Variants in ME1 observed in about 807,000 individuals in gnomAD.
ME1 encodes the protein NADP-dependent malic enzyme.
Under a neutral mutation model 66.4 loss-of-function variants are expected in ME1, and 74 were observed. The ratio of observed to expected loss-of-function variants is 1.11; its 90% CI spans 0.92 to 1.35. The LOEUF is 1.35. Ranked by LOEUF, ME1 falls within the 40% of genes most tolerant of loss-of-function variation. ME1 has a pLI of 0.00. For synonymous variants in ME1, 251 were observed against 235.6 expected, an observed-to-expected ratio of 1.07 and a Z score of -0.60; for missense variants, 750 against 694.1, an observed-to-expected ratio of 1.08 and a Z score of -0.90.
intron 5 of ME1, among the ~76,000 whole-genome samples, chr6:83,341,643 T>G (rs1442351529): frequency 6.6e-6 from 1 of 152,080 alleles, no homozygotes; most frequent in Non-Finnish European, 1.5e-5. Context: ...AGACAAGATA[T>G]AAGAAGATAA....
At chr6:83,224,015 A>G (rs1385883776) in intron 11 of ME1, 82 bp from the exon 12 acceptor site, 2 of 1,201,016 alleles carry the variant, frequency 1.7e-6, no homozygotes, top group Admixed American at 4.7e-5. Flanking sequence ...ACTACCCCAC[A>G]GCCTAAATTA....
At chr6:83,266,666 C>T (rs1001150181) in intron 6 of ME1, among the ~76,000 whole-genome samples, 5 of 152,134 alleles carry the variant, frequency 3.3e-5, no homozygotes, top group Admixed American at 2.6e-4. Flanking sequence ...AGCCATCATA[C>T]GTCCAGTGGT....
intron 3 of ME1, among the ~76,000 whole-genome samples, chr6:83,381,297 TC>T (rs1373411886): frequency 1.3e-5 from 2 of 152,116 alleles, no homozygotes; most frequent in Non-Finnish European, 2.9e-5. Flanking sequence ...AAGGATTGGT[TC>T]AGGATGGATT....
rs1438773650 is a variant in ME1, at chr6:83,322,115, A to G, written c.601-6702T>C. 3.3e-5 allele frequency among the ~76,000 whole-genome samples: 5 copies of G among 152,218 alleles called. No homozygotes were observed. In the East Asian group the frequency reaches 9.6e-4, roughly 29 times the overall value. On this transcript the variant is annotated intron_variant, in intron 5 of 13. Coordinates refer to ENST00000369705, the MANE Select transcript of ME1 (RefSeq NM_002395.6). ...AGAAAGGAAGAGCATGAACATCAAC[A>G]AAAAGGACAACCATGCAAAAACCCC... is the stretch of plus-strand genomic sequence containing the variant.
intron 5 of ME1, among the ~76,000 whole-genome samples, chr6:83,344,815 G>A (rs988706201): frequency 2.6e-5 from 4 of 151,766 alleles, no homozygotes; most frequent in Non-Finnish European, 4.4e-5. Flanking sequence ...CCCGGGAGGC[G>A]GAGGTTGCAG....
Position 83,326,694 on chromosome 6 carries a change from T to C in ME1, c.601-11281A>G, listed in dbSNP as rs1474691225. Among the ~76,000 whole-genome samples the C allele has an allele frequency of 2.0e-5, 3 of 152,198 alleles. 1 individual carries two copies. The highest frequency in any genetic ancestry group is 4.4e-5 in the Non-Finnish European group (3 of 68,024). On this transcript the variant is annotated intron_variant, in intron 5 of 13. Coordinates refer to ENST00000369705, the MANE Select transcript of ME1 (RefSeq NM_002395.6). ...AGAACCACAATGAGATATCATCTCA[T>C]GCCTTTTGGAATGGTAATTGTTAAA...
At chr6:83,364,853 T>C (rs1769072539) in intron 3 of ME1, among the ~76,000 whole-genome samples, 1 of 152,116 alleles carries the variant, frequency 6.6e-6, no homozygotes, top group Admixed American at 6.5e-5. Context: ...AAACCTAGCT[T>C]CCATTATGTT....
intron 3 of ME1, among the ~76,000 whole-genome samples, chr6:83,363,375 C>T (rs1057319021): frequency 2.6e-5 from 4 of 152,056 alleles, no homozygotes; most frequent in African/African-American, 7.2e-5. Flanking sequence ...TTGACCTGGA[C>T]GATCAAGATG....
At chr6:83,327,961 T>C (rs576312900) in intron 5 of ME1, among the ~76,000 whole-genome samples, 8 of 152,248 alleles carry the variant, frequency 5.3e-5, no homozygotes, top group African/African-American at 1.9e-4. Context: ...ACGTGATTTT[T>C]GGGGCAGGTC....
intron 1 of ME1, among the ~76,000 whole-genome samples, chr6:83,413,105 C>T (rs1248726358): frequency 6.6e-6 from 1 of 152,172 alleles, no homozygotes; most frequent in Admixed American, 6.5e-5. Context: ...CTCCTAGGCT[C>T]AAGTGATCCT....
intron 1 of ME1, among the ~76,000 whole-genome samples, chr6:83,412,931 A>G (rs139233784): frequency 1.5e-4 from 23 of 152,366 alleles, no homozygotes; most frequent in African/African-American, 5.0e-4. Context: ...CATATTTGTC[A>G]AAACTAATAG....
At chr6:83,362,416 C>T (rs796692215) in intron 3 of ME1, among the ~76,000 whole-genome samples, 2 of 152,294 alleles carry the variant, frequency 1.3e-5, no homozygotes, top group South Asian at 2.1e-4. Context: ...GGACATGACC[C>T]GTTCTGTGGA....
At chr6:83,370,503 T>C (rs552973317) in intron 3 of ME1, among the ~76,000 whole-genome samples, 3 of 152,222 alleles carry the variant, frequency 2.0e-5, no homozygotes, top group East Asian at 1.9e-4. Flanking sequence ...GAAATATCCA[T>C]AGAATGATAA....
At chr6:83,272,239 A>T (rs886084084) in intron 6 of ME1, among the ~76,000 whole-genome samples, 10 of 152,208 alleles carry the variant, frequency 6.6e-5, no homozygotes, top group Non-Finnish European at 1.5e-4. Flanking sequence ...CCAAATAAAC[A>T]AATCTATAAA....
At chr6:83,267,528 C>T (rs1767009433) in intron 6 of ME1, among the ~76,000 whole-genome samples, 1 of 152,130 alleles carries the variant, frequency 6.6e-6, no homozygotes, top group South Asian at 2.1e-4. Context: ...ACAGTTTTAG[C>T]CTCTCTGATG....
chr6:83,257,312 G>A (rs1766791856), intron 6 of ME1, among the ~76,000 whole-genome samples: 3 of 151,802 alleles, frequency 2.0e-5, no homozygotes, highest in African/African-American at 7.3e-5. Context: ...AATAATCCCA[G>A]TTTAAAAGGC....
intron 3 of ME1, among the ~76,000 whole-genome samples, chr6:83,378,037 C>A (rs1414077277): frequency 1.3e-5 from 2 of 151,874 alleles, no homozygotes; most frequent in African/African-American, 2.4e-5. Flanking sequence ...GTGCCCCATA[C>A]CCAGGGGAGG....
At chr6:83,282,150 C>G (rs1767309769) in intron 6 of ME1, among the ~76,000 whole-genome samples, 1 of 152,012 alleles carries the variant, frequency 6.6e-6, no homozygotes, top group Non-Finnish European at 1.5e-5. Flanking sequence ...AACCTTAAAA[C>G]CATAAAAACT....
chr6:83,214,985 A>G (rs1789963294), intron 13 of ME1, among the ~76,000 whole-genome samples: 1 of 152,148 alleles, frequency 6.6e-6, no homozygotes, highest in Non-Finnish European at 1.5e-5. Flanking sequence ...TTTTTCATTT[A>G]AATCTCCAAA....
Sources: gnomAD v4.1 joint callset for allele counts (sites outside exome capture counted in the v4.1 genomes callset) on GRCh38, gnomAD v4.1.1 for gene constraint, MANE v1.5 for transcripts, NCBI Gene and HGNC (gene_info 2026-07-23, HGNC 2026-07-21) for gene names.